Variants in LRRTM4 observed in about 807,000 individuals in gnomAD.
The protein encoded by LRRTM4 is leucine-rich repeat transmembrane neuronal protein 4.
In LRRTM4, 25 loss-of-function variants were observed where a neutral mutation model predicts 47.6. That is an observed-to-expected ratio of 0.53 (90% CI 0.38 to 0.73). The LOEUF is 0.73. Among genes scored for constraint, LRRTM4 ranks in the 30% least tolerant of loss-of-function variants. The pLI is 0.00. For synonymous variants in LRRTM4, 311 were observed against 269.5 expected, an observed-to-expected ratio of 1.15 and a Z score of -1.51; for missense variants, 638 against 713.4, an observed-to-expected ratio of 0.89 and a Z score of 1.20.
At chr2:77,259,542 G>A (rs1675861439) in intron 3 of LRRTM4, among the ~76,000 whole-genome samples, 1 of 151,998 alleles carries the variant, frequency 6.6e-6, no homozygotes, top group South Asian at 2.1e-4. Context: ...AATCTAAAAA[G>A]GATACAGATG....
intron 3 of LRRTM4, among the ~76,000 whole-genome samples, chr2:77,026,282 C>A (rs1195744408): frequency 1.3e-5 from 2 of 151,962 alleles, no homozygotes; most frequent in East Asian, 1.9e-4. Context: ...CTCATGAAAA[C>A]CCCAGAAGGT....
At chr2:77,473,571 C>A (rs775228650) in intron 3 of LRRTM4, among the ~76,000 whole-genome samples, 2 of 152,090 alleles carry the variant, frequency 1.3e-5, no homozygotes, top group Non-Finnish European at 2.9e-5. Flanking sequence ...CCAGTTGCAG[C>A]TTGACAACTG....
chr2:77,212,756 A>AG (rs1674331608), intron 3 of LRRTM4, among the ~76,000 whole-genome samples: 1 of 152,078 alleles, frequency 6.6e-6, no homozygotes, highest in Admixed American at 6.6e-5. Context: ...CCTCTGAGGC[A>AG]GTTAATGTAT....
chr2:77,028,560 T>C (rs572482148), intron 3 of LRRTM4, among the ~76,000 whole-genome samples: 1 of 152,140 alleles, frequency 6.6e-6, no homozygotes, highest in Non-Finnish European at 1.5e-5. Context: ...TCAATAATTA[T>C]ACCTATAATT....
intron 3 of LRRTM4, among the ~76,000 whole-genome samples, chr2:77,311,206 G>GT (rs1203824584): frequency 6.6e-6 from 1 of 152,096 alleles, no homozygotes; most frequent in Non-Finnish European, 1.5e-5. Context: ...CTTTTCACTG[G>GT]TAAGCAGAGG....
rs1439348751 is a variant in LRRTM4 at position 77,049,127 on chromosome 2, T to TATATATATAC, written c.1552-300212_1552-300211insGTATATATAT. ...ACTAAATAATATTTCATTTTTTATA[T>TATATATATAC]ATATATATATATATATATATATATA... On this transcript the variant is annotated intron_variant, in intron 3 of 3. Transcript: ENST00000409884. Among the ~76,000 whole-genome samples, 49 of 81,694 alleles carry TATATATATAC rather than the reference T, an allele frequency of 6.0e-4. 1 individual carries two copies. Among genetic ancestry groups the TATATATATAC allele is most frequent in the African/African-American group, 2.1e-3 (40 of 18,684 alleles). 53.6% of individuals were successfully genotyped at this position (81,694 alleles called of 152,430 possible).
At chr2:76,816,383 C>T (rs1238753833) in intron 3 of LRRTM4, among the ~76,000 whole-genome samples, 4 of 151,876 alleles carry the variant, frequency 2.6e-5, no homozygotes, top group African/African-American at 7.3e-5. Context: ...GAGCTGACTG[C>T]TCATCACAAG....
At chr2:77,190,077 T>A (rs1417130118) in intron 3 of LRRTM4, among the ~76,000 whole-genome samples, 3 of 152,084 alleles carry the variant, frequency 2.0e-5, no homozygotes, top group Non-Finnish European at 4.4e-5. Flanking sequence ...CATTTTCCAA[T>A]AACTCCTTGA....
intron 3 of LRRTM4, among the ~76,000 whole-genome samples, chr2:76,813,862 A>C (rs193020709): frequency 6.6e-6 from 1 of 152,262 alleles, no homozygotes; most frequent in East Asian, 1.9e-4. Context: ...TTACATTACT[A>C]ATGCACTGGT....
intron 3 of LRRTM4, among the ~76,000 whole-genome samples, chr2:77,509,702 G>A (rs1678911540): frequency 6.6e-6 from 1 of 152,092 alleles, no homozygotes; most frequent in Non-Finnish European, 1.5e-5. Context: ...TTTTTATGGA[G>A]GAGTTCAGAG....
At chr2:76,854,975 G>A (rs1248160316) in intron 3 of LRRTM4, among the ~76,000 whole-genome samples, 1 of 151,846 alleles carries the variant, frequency 6.6e-6, no homozygotes, top group Non-Finnish European at 1.5e-5. Context: ...AGAATCTAGT[G>A]GCCAGAAGAG....
intron 3 of LRRTM4, among the ~76,000 whole-genome samples, chr2:76,935,451 A>T (rs1319697919): frequency 6.6e-6 from 1 of 152,122 alleles, no homozygotes; most frequent in East Asian, 1.9e-4. Context: ...CAGTATGGCC[A>T]TTTTCACGAT....
In LRRTM4 at chr2:76,981,950, C is replaced by G. The variant is rs143518627; in HGVS notation, c.1552-233034G>C. On this transcript the variant is annotated intron_variant, in intron 3 of 3. Transcript: ENST00000409884. Reference sequence around the variant, plus strand: ...GTTTCTGGAATTGATCAATTTGGGTCACTGAAAATTAAACTGCCTCGGAGA... The same window carrying G: ...GTTTCTGGAATTGATCAATTTGGGTGACTGAAAATTAAACTGCCTCGGAGA... Among the ~76,000 whole-genome samples the G allele has an allele frequency of 2.2e-3, 328 of 152,094 alleles. 7 individuals carry two copies. Among genetic ancestry groups the G allele is most frequent in the African/African-American group, 7.7e-3 (318 of 41,538 alleles).
intron 3 of LRRTM4, among the ~76,000 whole-genome samples, chr2:76,948,798 G>C (rs1052182170): frequency 6.6e-6 from 1 of 151,746 alleles, no homozygotes; most frequent in South Asian, 2.1e-4. Context: ...ACATTGAACT[G>C]CAAGTAAATT....
rs1294827380 is a variant in LRRTM4 at position 76,776,684 on chromosome 2, A to C, written c.1552-27768T>G. 2.7e-5 allele frequency among the ~76,000 whole-genome samples: 4 copies of C among 147,546 alleles called. No individual in the cohort carries two copies. The East Asian group carries it at 6.1e-4, about 22-fold the overall frequency. On this transcript the variant is annotated intron_variant, in intron 3 of 3. Transcript: ENST00000409884. ...CCCTTTGTCAGATGAGTAGGTTGCGAAAATTTTCTCCCATTTTGTAGGTTG... is the reference window on the plus strand; with the variant it reads ...CCCTTTGTCAGATGAGTAGGTTGCGCAAATTTTCTCCCATTTTGTAGGTTG...
intron 3 of LRRTM4, among the ~76,000 whole-genome samples, chr2:77,350,332 C>CAAAAAAAAAAAAA (rs61365229): frequency 7.7e-5 from 3 of 39,182 alleles, no homozygotes; most frequent in Non-Finnish European, 9.0e-5. Context: ...GACTCCGTCT[C>CAAAAAAAAAAAAA]AAAAAAAAAA....
chr2:76,795,590 C>CATACATACATAT (rs1553410020), intron 3 of LRRTM4, among the ~76,000 whole-genome samples: 3 of 64,782 alleles, frequency 4.6e-5, no homozygotes, highest in South Asian at 1.0e-3. Flanking sequence ...CACACACACA[C>CATACATACATAT]ATACACACAC....
In LRRTM4 at chr2:77,458,263, T is replaced by C. The variant is rs188724400; in HGVS notation, c.1551+60055A>G. ...AGAACAAATTTTAGAGTTCCTCTATTTTCACTTGCCAGCATGGAGTAACAA... is the reference window on the plus strand; with the variant it reads ...AGAACAAATTTTAGAGTTCCTCTATCTTCACTTGCCAGCATGGAGTAACAA... On this transcript the variant is annotated intron_variant, in intron 3 of 3. Transcript: ENST00000409884. Among the ~76,000 whole-genome samples, 19 of 152,258 alleles carry C rather than the reference T, an allele frequency of 1.2e-4. No individual in the cohort carries two copies. The East Asian group carries it at 3.7e-3, about 29-fold the overall frequency.
intron 3 of LRRTM4, among the ~76,000 whole-genome samples, chr2:76,776,143 A>C (rs1673978743): frequency 6.6e-6 from 1 of 152,136 alleles, no homozygotes; most frequent in Non-Finnish European, 1.5e-5. Flanking sequence ...ACATTTTCTT[A>C]ATCCAGTCTA....
Sources: gnomAD v4.1 joint callset for allele counts (sites outside exome capture counted in the v4.1 genomes callset) on GRCh38, gnomAD v4.1.1 for gene constraint, MANE v1.5 for transcripts, NCBI Gene and HGNC (gene_info 2026-07-23, HGNC 2026-07-21) for gene names.